ANO9: variants seen among roughly 807,000 people sequenced by gnomAD.
ANO9 encodes anoctamin 9, also known as anoctamin-9.
In ANO9, 80 loss-of-function variants were observed where a neutral mutation model predicts 100.5. The ratio of observed to expected loss-of-function variants is 0.80; its 90% confidence interval spans 0.66 to 0.96. The LOEUF (loss-of-function observed/expected upper bound fraction) is 0.96, where lower values mean the gene tolerates loss of function less well. Ranked by LOEUF, ANO9 falls within the 40% of genes least tolerant of loss-of-function variation. The pLI, the probability that ANO9 is intolerant of heterozygous loss-of-function variation, is 0.00. For missense variants in ANO9, 1,064 were observed against 1,072.7 expected, an observed-to-expected ratio of 0.99 and a Z score of 0.11; for synonymous variants, 473 against 435.6, an observed-to-expected ratio of 1.09 and a Z score of -1.07.
In ANO9 at chr11:421,942, T is replaced by C. The variant is rs187603273; in HGVS notation, c.1335-744A>G. ...CAAGAGAAATATGAAGTATAAATAGTATACATTTGCAAAGAAAAAAATGAC... is the reference window on the plus strand; with the variant it reads ...CAAGAGAAATATGAAGTATAAATAGCATACATTTGCAAAGAAAAAAATGAC... On this transcript the variant is annotated intron_variant, in intron 15 of 22. Transcript: ENST00000332826. This position sits in a 1 kb window ranked among gnomAD's most constrained non-coding sequence, Gnocchi z 6.8. 4.7e-4 allele frequency among the ~76,000 whole-genome samples: 72 copies of C among 152,250 alleles called. No individual in the cohort carries two copies. The highest frequency in any genetic ancestry group is 6.8e-3 in the Middle Eastern group (2 of 294).
intron 1 of ANO9, among the ~76,000 whole-genome samples, chr11:439,607 C>T (rs1313534985): frequency 2.0e-5 from 2 of 97,800 alleles, no homozygotes; most frequent in Non-Finnish European, 3.9e-5. Flanking sequence ...CCTGAGGTCA[C>T]GTCAAGCCTC....
rs547663918 is a variant in ANO9 at position 435,801 on chromosome 11, A to C, written c.7-1703T>G. ...CTAGTCTAGTCTAGTATAGCATAGGATAGCATAGTATAGCATAGCATAACA... is the reference window on the plus strand; with the variant it reads ...CTAGTCTAGTCTAGTATAGCATAGGCTAGCATAGTATAGCATAGCATAACA... On this transcript the variant is annotated intron_variant, in intron 1 of 22. Transcript: ENST00000332826. Among the ~76,000 whole-genome samples the C allele has an allele frequency of 4.1e-5, 6 of 148,112 alleles. No individual in the cohort carries two copies. In the South Asian group the frequency reaches 8.9e-4, roughly 22 times the overall value.
rs140611251 is a variant in ANO9 at position 433,362 on chromosome 11, G to T, written c.302C>A (p.Ala101Asp). The change falls in exon 4 of 23, where the codon GCC (alanine) becomes GAC (aspartate). Residue 101 changes from alanine to aspartate, a missense_variant. Coordinates refer to ENST00000332826, the MANE Select transcript of ANO9 (RefSeq NM_001012302.3). The stretch of plus-strand genomic sequence containing the variant: ...CGGCGCGGCCAGCTCGGCGTGGGGG[G>T]CAGGCCCCTCAGGCTCCAGGAGGAG... ...RTLLLEPEGP[A>D]PHAELAAPTT... 13 of 1,613,020 alleles carry T rather than the reference G, an allele frequency of 8.1e-6. No homozygotes were observed. The highest frequency in any genetic ancestry group is 7.7e-5 in the South Asian group (7 of 91,074).
Position 419,634 on chromosome 11 carries a change from C to T in ANO9, c.1882G>A (p.Val628Ile), listed in dbSNP as rs1848054198. The change falls in exon 20 of 23, where the codon GTC (valine) becomes ATC (isoleucine). Residue 628 changes from valine (V) to isoleucine (I), a missense_variant. Transcript: ENST00000332826. The part of the protein sequence containing the change: ...AFTSEFIPRV[V>I]YKYRYSPCLK... The stretch of plus-strand genomic sequence containing the variant: ...CATGGGCTATAGCGGTACTTGTAGA[C>T]CACTCGGGGGATGAACTCAGATGTG... 2 of 1,613,606 alleles carry T rather than the reference C, an allele frequency of 1.2e-6. No homozygotes were observed. Among genetic ancestry groups the T allele is most frequent in the African/African-American group, 2.7e-5 (2 of 75,026 alleles).
Position 432,207 on chromosome 11 carries a change from T to G in ANO9, c.351-153A>C. 1.2e-6 allele frequency: 1 copy of G among 800,056 alleles called. No individual in the cohort carries two copies. Among genetic ancestry groups the G allele is most frequent in the Non-Finnish European group, 2.0e-6 (1 of 507,996 alleles). The allele number at this position is 800,056 out of a possible 1,614,324, so 49.6% of individuals were successfully genotyped here. Reference sequence around the variant, plus strand: ...CTGACCAGAGCCCAGAATCCACAACTCACCCGGGAGCCCACCCCGCACCCT... The same window carrying G: ...CTGACCAGAGCCCAGAATCCACAACGCACCCGGGAGCCCACCCCGCACCCT... On this transcript the variant is annotated intron_variant, in intron 4 of 22. Transcript: ENST00000332826. This position sits in a 1 kb window ranked among gnomAD's most constrained non-coding sequence, Gnocchi z 4.8.
rs1325583802 is a variant in ANO9 at position 420,871 on chromosome 11, A to G, written c.1491-11T>C. On this transcript the variant is annotated splice_polypyrimidine_tract_variant and intron_variant, in intron 17 of 22. Coordinates refer to ENST00000332826, the MANE Select transcript of ANO9 (RefSeq NM_001012302.3). ...TTGTGGGTCACCCACCTGCGGGGAG[A>G]GCTGCGTGGCAGGGAGGGCGCAGGG... 2 of 1,588,242 alleles carry G rather than the reference A, an allele frequency of 1.3e-6. No homozygotes were observed. The highest frequency in any genetic ancestry group is 1.7e-6 in the Non-Finnish European group (2 of 1,169,674).
In ANO9 at chr11:430,335, G is replaced by A. The variant is rs767897875; in HGVS notation, c.608C>T (p.Pro203Leu). Residue 203 changes from proline to leucine, a missense_variant, in exon 8 of 23, where the codon CCG (proline) becomes CTG (leucine). Transcript: ENST00000332826. Reference protein sequence around the residue: ...WLGWYTYMLVPAALTGLLVFL... With the variant: ...WLGWYTYMLVLAALTGLLVFL... Reference sequence around the variant, plus strand: ...GACTAAGAGGCCCGTCAGGGCGGCCGGCACCAGCATGTAGGTGTACCAGCC... The same window carrying A: ...GACTAAGAGGCCCGTCAGGGCGGCCAGCACCAGCATGTAGGTGTACCAGCC... The A allele has an allele frequency of 6.2e-6, 10 of 1,609,994 alleles. No homozygotes were observed. The highest frequency in any genetic ancestry group is 4.5e-5 in the East Asian group (2 of 44,734).
In ANO9 at chr11:420,749, G is replaced by A. The variant is rs1848127189; in HGVS notation, c.1602C>T (p.Thr534=). ...CCATGAACTCGTCGAACAGGCTGAA[G>A]GTGTTGACCGGGTTCAGAAGGTAGT... ...RRNYLLNPVN[T]FSLFDEFMEM... is the part of the protein sequence containing the mutation. Residue 534 remains threonine (T), a synonymous_variant, in exon 18 of 23, where the codon ACC becomes ACT. Coordinates refer to ENST00000332826, the MANE Select transcript of ANO9 (RefSeq NM_001012302.3). 1 of 1,607,770 alleles carries A rather than the reference G, an allele frequency of 6.2e-7. No homozygotes were observed. The highest frequency in any genetic ancestry group is 8.5e-7 in the Non-Finnish European group (1 of 1,178,610).
At chr11:430,471 G>GC in intron 7 of ANO9, 68 bp from the exon 8 acceptor site, 2 of 268,134 alleles carry the variant, frequency 7.5e-6, no homozygotes, top group South Asian at 4.1e-5. Context: ...AGGGATGGGG[G>GC]TGGGAGGGGG....
Position 428,025 on chromosome 11 carries a change from C to T in ANO9, c.1334+63G>A, listed in dbSNP as rs182005096. Reference sequence around the variant, plus strand: ...AAAATTAAAAGAATGGACATTGCCACTTTAAAGGCAGTGGAACAAGCCCTC... The same window carrying T: ...AAAATTAAAAGAATGGACATTGCCATTTTAAAGGCAGTGGAACAAGCCCTC... On this transcript the variant is annotated intron_variant, in intron 15 of 22. Coordinates refer to ENST00000332826, the MANE Select transcript of ANO9 (RefSeq NM_001012302.3). 1.3e-4 allele frequency: 169 copies of T among 1,339,024 alleles called. 3 individuals carry two copies. In the East Asian group the frequency reaches 4.0e-3, roughly 32 times the overall value. 82.9% of individuals were successfully genotyped at this position (1,339,024 alleles called of 1,614,324 possible). A position where few individuals can be genotyped will look rare whatever the true frequency, so the allele number is the denominator to read the frequency against.
chr11:429,689 GC>G, intron 10 of ANO9, 37 bp from the exon 11 acceptor site: 1 of 1,612,554 alleles, frequency 6.2e-7, no homozygotes, highest in Non-Finnish European at 8.5e-7. Flanking sequence ...ACTGCACTAC[GC>G]CAGGTGGACC....
Position 418,187 on chromosome 11 carries a change from C to T in ANO9, c.*184G>A. ...GGGCTGTGCCAAGCCTGAGAGCCCCCACAAAGACGGAGCAGGCGGAATAGG... is the reference window on the plus strand; with the variant it reads ...GGGCTGTGCCAAGCCTGAGAGCCCCTACAAAGACGGAGCAGGCGGAATAGG... On this transcript the variant is annotated 3_prime_UTR_variant, in exon 23 of 23. Coordinates refer to ENST00000332826, the MANE Select transcript of ANO9 (RefSeq NM_001012302.3). The T allele has an allele frequency of 4.6e-6, 3 of 649,724 alleles. No individual in the cohort carries two copies. The South Asian group carries it at 6.1e-5, about 13-fold the overall frequency. 40.2% of individuals were successfully genotyped at this position (649,724 alleles called of 1,614,324 possible).
chr11:434,250 G>T (rs1162005505), intron 1 of ANO9, 152 bp from the exon 2 acceptor site: 2 of 947,698 alleles, frequency 2.1e-6, no homozygotes, highest in Non-Finnish European at 3.1e-6. Context: ...GGCTGTAGGC[G>T]GGTGACAGGC....
chr11:437,095 T>G, intron 1 of ANO9, among the ~76,000 whole-genome samples: 1 of 127,548 alleles, frequency 7.8e-6, no homozygotes, highest in African/African-American at 3.1e-5. Flanking sequence ...CCATGTCCCA[T>G]CAGATCAGCG....
At chr11:419,986 G>C in intron 19 of ANO9, 1 of 1,389,210 alleles carries the variant, frequency 7.2e-7, no homozygotes, top group Non-Finnish European at 9.3e-7. Flanking sequence ...CTTCTCAGCT[G>C]TGCCCCCCAG....
At chr11:420,138 G>T in intron 19 of ANO9, 1 of 1,342,334 alleles carries the variant, frequency 7.4e-7, no homozygotes, top group Non-Finnish European at 9.6e-7. Context: ...GTCCGTCTCA[G>T]CGTGGCCAGT....
Position 421,355 on chromosome 11 carries a change from C to A in ANO9, c.1335-157G>T. On this transcript the variant is annotated intron_variant, in intron 15 of 22. Transcript: ENST00000332826. The surrounding 1 kb of genome is among the most constrained non-coding windows in gnomAD (Gnocchi z 6.8). The stretch of plus-strand genomic sequence containing the variant: ...GGTGCTCACACCCAGATGAACCGCA[C>A]CCGCACGTGGGCACGCACACACACA... 1.5e-6 allele frequency: 1 copy of A among 680,390 alleles called. No homozygotes were observed. Among genetic ancestry groups the A allele is most frequent in the Non-Finnish European group, 2.3e-6 (1 of 427,696 alleles). The allele number at this position is 680,390 out of a possible 1,614,324, so 42.1% of individuals were successfully genotyped here.
At chr11:425,319 T>C (rs1848447494) in intron 15 of ANO9, among the ~76,000 whole-genome samples, 1 of 149,716 alleles carries the variant, frequency 6.7e-6, no homozygotes, top group Non-Finnish European at 1.5e-5. Flanking sequence ...GGAAGATCTC[T>C]GGAAGAAAAG....
chr11:419,529 G>A (rs919147947), intron 20 of ANO9, 53 bp downstream of exon 20: 6 of 1,597,206 alleles, frequency 3.8e-6, no homozygotes, highest in Non-Finnish European at 5.1e-6. Context: ...CCAGGGCTTG[G>A]CTGTGGTAGG....
Sources: allele counts gnomAD v4.1 joint callset (sites outside exome capture counted in the v4.1 genomes callset), GRCh38; gene constraint gnomAD v4.1.1; non-coding constraint Gnocchi (gnomAD v3.1); transcripts MANE v1.5; gene names NCBI Gene and HGNC (gene_info 2026-07-23, HGNC 2026-07-21).